The following KIF5A variants were observed in gnomAD, a reference collection of about 807,000 sequenced individuals.
KIF5A encodes kinesin family member 5A.
Under a neutral mutation model 141.3 loss-of-function variants are expected in KIF5A, and 35 were observed. That is an observed-to-expected ratio of 0.25 (90% CI 0.19 to 0.33). The LOEUF (loss-of-function observed/expected upper bound fraction) is 0.33. Ranked by LOEUF, KIF5A falls within the 10% of genes least tolerant of loss-of-function variation. The pLI is 1.00. For missense variants in KIF5A, 861 were observed against 1,314.3 expected (o/e 0.66, Z 5.33); for synonymous variants, 448 against 500.2 (o/e 0.90, Z 1.39).
In KIF5A at chr12:57,581,556, C is replaced by A; in HGVS notation, c.2897C>A (p.Thr966Asn). The change falls in exon 25 of 29, where the codon ACC becomes AAC. Residue 966 changes from threonine to asparagine, a missense_variant. Transcript: ENST00000455537. ...TACCTGCAGGCCACACCCAGCTCCA[C>A]CTCAGATATGTAGTGAGTGACCACA... ...NLYLQATPSS[T>N]SDMYFANSCT... 1.9e-6 allele frequency: 3 copies of A among 1,614,146 alleles called. No homozygotes were observed. Among genetic ancestry groups the A allele is most frequent in the Non-Finnish European group, 2.5e-6 (3 of 1,180,048 alleles).
At chr12:57,563,986 A>T (rs1033180288) in intron 3 of KIF5A, 122 bp from the exon 4 acceptor site, 1 of 761,502 alleles carries the variant, frequency 1.3e-6, no homozygotes, top group African/African-American at 1.7e-5. Flanking sequence ...CATGGTGGTG[A>T]CCATCTCCTA....
At chr12:57,578,490 A>G (rs1882498171) in intron 23 of KIF5A, 148 bp downstream of exon 23, 1 of 687,898 alleles carries the variant, frequency 1.5e-6, no homozygotes, top group Admixed American at 2.1e-5. Flanking sequence ...CCTTCTTTAT[A>G]CCATATTTGG....
At chr12:57,558,908 TG>T (rs528704080) in intron 1 of KIF5A, among the ~76,000 whole-genome samples, 163 of 152,220 alleles carry the variant, frequency 1.1e-3, no homozygotes, top group Non-Finnish European at 1.7e-3. Context: ...GCTGAGTAGC[TG>T]GGACCACAAG....
At chr12:57,566,503 C>T (rs1226258855) in intron 6 of KIF5A, among the ~76,000 whole-genome samples, 2 of 149,970 alleles carry the variant, frequency 1.3e-5, no homozygotes, top group Non-Finnish European at 3.0e-5. Flanking sequence ...CTCAGCCTCC[C>T]GAGTTCAAGT....
At chr12:57,552,926 G>T (rs1013617962) in intron 1 of KIF5A, among the ~76,000 whole-genome samples, 7 of 152,066 alleles carry the variant, frequency 4.6e-5, no homozygotes, top group African/African-American at 1.7e-4. Flanking sequence ...CTGCTTGTTA[G>T]AGGGTAGGAG....
chr12:57,551,725 G>A (rs1881578689), intron 1 of KIF5A, among the ~76,000 whole-genome samples: 1 of 152,134 alleles, frequency 6.6e-6, no homozygotes, highest in African/African-American at 2.4e-5. Context: ...GGAAAGAAGG[G>A]GAGGAAGCCT....
intron 27 of KIF5A, 96 bp downstream of exon 27, chr12:57,582,725 T>C: frequency 9.9e-7 from 1 of 1,012,484 alleles, no homozygotes; most frequent in Non-Finnish European, 1.6e-6. Context: ...CTGGAGCCTT[T>C]GGGGAAGGGG....
At chr12:57,566,091 T>C (rs1264437973) in intron 6 of KIF5A, among the ~76,000 whole-genome samples, 1 of 150,896 alleles carries the variant, frequency 6.6e-6, no homozygotes, top group Admixed American at 6.6e-5. Context: ...AGAGAGACAG[T>C]GGTTTTTTTT....
chr12:57,582,436 C>T (rs1486967369), intron 26 of KIF5A, among the ~76,000 whole-genome samples, 166 bp from the exon 27 acceptor site: 2 of 152,068 alleles, frequency 1.3e-5, no homozygotes, highest in Non-Finnish European at 1.5e-5. Context: ...GAAACTTTTT[C>T]TCGAACAAAA....
rs780433858 is a variant in KIF5A, at chr12:57,550,276, C to A, written c.5C>A (p.Ala2Glu). 1.2e-6 allele frequency: 2 copies of A among 1,614,102 alleles called. No individual in the cohort carries two copies. Among genetic ancestry groups the A allele is most frequent in the South Asian group, 2.2e-5 (2 of 91,088 alleles). The change falls in exon 1 of 29, where the codon GCG (alanine) becomes GAG (glutamate). Residue 2 changes from alanine to glutamate, a missense_variant. Ala to Glu is a moderately radical substitution (Grantham distance 107). This residue lies in a region of KIF5A where 59 missense variants were observed against 81.1 expected (regional missense o/e 0.73). Transcript: ENST00000455537. This position sits in a 1 kb window ranked among gnomAD's most constrained non-coding sequence, Gnocchi z 4.6. M[A>E]ETNNECSIKV... ...AGCCCCACGCCGGCTACCACCATGG[C>A]GGAGACCAACAACGAATGTAGCATC... is the stretch of plus-strand genomic sequence containing the variant.
chr12:57,571,727 A>G (rs1050201827), intron 13 of KIF5A, among the ~76,000 whole-genome samples: 1 of 151,920 alleles, frequency 6.6e-6, no homozygotes, highest in African/African-American at 2.4e-5. Flanking sequence ...ACCACCACAC[A>G]TGGCTAATTT....
In KIF5A at chr12:57,550,486, C is replaced by T. The variant is rs1227770060; in HGVS notation, c.129+86C>T. 2 of 1,374,584 alleles carry T rather than the reference C, an allele frequency of 1.5e-6. No individual in the cohort carries two copies. Among genetic ancestry groups the T allele is most frequent in the African/African-American group, 2.8e-5 (2 of 70,304 alleles). The allele number at this position is 1,374,584 out of a possible 1,614,324, so 85.1% of individuals were successfully genotyped here. A position where few individuals can be genotyped will look rare whatever the true frequency, so the allele number is the denominator to read the frequency against. ...CGCAGAGCCTTAGTCTCTGCTGGTC[C>T]CTTTGCTCCCCCTCCCCGCCGCTCA... On this transcript the variant is annotated intron_variant, in intron 1 of 28. Coordinates refer to ENST00000455537, the MANE Select transcript of KIF5A (RefSeq NM_004984.4). This position sits in a 1 kb window ranked among gnomAD's most constrained non-coding sequence, Gnocchi z 4.6.
intron 24 of KIF5A, 116 bp downstream of exon 24, chr12:57,581,288 C>A: frequency 1.3e-6 from 2 of 1,506,638 alleles, no homozygotes; most frequent in Non-Finnish European, 1.8e-6. Context: ...CATCCCACTT[C>A]CCCCCAAAAA....
At chr12:57,577,909 G>A (rs981429848) in intron 21 of KIF5A, 100 bp from the exon 22 acceptor site, 1 of 1,245,770 alleles carries the variant, frequency 8.0e-7, no homozygotes, top group African/African-American at 1.5e-5. Context: ...TAAAGGATAA[G>A]TGACTCACTT....
In KIF5A at chr12:57,564,925, G is replaced by A. The variant is rs780247314; in HGVS notation, c.453G>A (p.Lys151=). The A allele has an allele frequency of 3.0e-5, 49 of 1,614,096 alleles. 2 individuals are homozygous for A. The South Asian group carries it at 5.2e-4, about 17-fold the overall frequency. ...DKIRDLLDVT[K]TNLSVHEDKN... Reference sequence around the variant, plus strand: ...TGCATTCTTTTGATTCAGTGACCAAGACAAATCTGTCCGTGCACGAGGACA... The same window carrying A: ...TGCATTCTTTTGATTCAGTGACCAAAACAAATCTGTCCGTGCACGAGGACA... Residue 151 remains lysine, a synonymous_variant, in exon 6 of 29, where the codon AAG becomes AAA. Coordinates refer to ENST00000455537, the MANE Select transcript of KIF5A (RefSeq NM_004984.4).
rs1200912678 is a variant in KIF5A, at chr12:57,550,594, C to T, written c.129+194C>T. Reference sequence around the variant, plus strand: ...GGCCTGGCCAGGCCAGCGGCCGAGTCTCTGCAGAGTGGCAGGGGGCTGCTT... The same window carrying T: ...GGCCTGGCCAGGCCAGCGGCCGAGTTTCTGCAGAGTGGCAGGGGGCTGCTT... On this transcript the variant is annotated intron_variant, in intron 1 of 28. Transcript: ENST00000455537. The surrounding 1 kb of genome is among the most constrained non-coding windows in gnomAD (Gnocchi z 4.6). Among the ~76,000 whole-genome samples, 2 of 152,220 alleles carry T rather than the reference C, an allele frequency of 1.3e-5. No individual in the cohort carries two copies. The highest frequency in any genetic ancestry group is 4.8e-5 in the African/African-American group (2 of 41,460).
In KIF5A at chr12:57,567,597, G is replaced by A; in HGVS notation, c.693G>A (p.Val231=). ...AGCTCAGTGGGAAGCTGTATCTGGT[G>A]GACCTGGCAGGGAGTGAGAAGGTAG... The part of the protein sequence containing the change: ...EQKLSGKLYL[V]DLAGSEKVSK... The change falls in exon 8 of 29, where the codon GTG becomes GTA. Residue 231 remains valine (V), a synonymous_variant. Coordinates refer to ENST00000455537, the MANE Select transcript of KIF5A (RefSeq NM_004984.4). 6.2e-7 allele frequency: 1 copy of A among 1,613,242 alleles called. No homozygotes were observed. The highest frequency in any genetic ancestry group is 8.5e-7 in the Non-Finnish European group (1 of 1,179,680).
At chr12:57,559,954 C>G (rs759018076) in intron 1 of KIF5A, among the ~76,000 whole-genome samples, 1 of 152,148 alleles carries the variant, frequency 6.6e-6, no homozygotes, top group African/African-American at 2.4e-5. Flanking sequence ...TGCGGTGGCG[C>G]GATCTCGGCT....
At chr12:57,558,967 A>G (rs1456079547) in intron 1 of KIF5A, among the ~76,000 whole-genome samples, 1 of 152,068 alleles carries the variant, frequency 6.6e-6, no homozygotes, top group Non-Finnish European at 1.5e-5. Flanking sequence ...TTGTAGAGAC[A>G]GGGTCTCCCT....
Sources: gnomAD v4.1 joint callset for allele counts (sites outside exome capture counted in the v4.1 genomes callset) on GRCh38, gnomAD v4.1.1 for gene constraint, gnomAD v4.1.1 regional missense constraint, Gnocchi (gnomAD v3.1) non-coding constraint, MANE v1.5 for transcripts, NCBI Gene and HGNC (gene_info 2026-07-23, HGNC 2026-07-21) for gene names.